The following PCDH15 variants were observed in gnomAD, a reference collection of about 807,000 sequenced individuals.
PCDH15 encodes protocadherin-15.
In PCDH15, 129 loss-of-function variants were observed where a neutral mutation model predicts 178.5. The observed-to-expected ratio is 0.72, with a 90% CI of 0.63 to 0.84. The LOEUF is 0.84. Among genes scored for constraint, PCDH15 ranks in the 40% least tolerant of loss-of-function variants. PCDH15 has a pLI of 0.00. For synonymous variants in PCDH15, 800 were observed against 732.0 expected (o/e 1.09, Z -1.50); for missense variants, 2,230 against 2,099.9 (o/e 1.06, Z -1.21).
intron 2 of PCDH15, among the ~76,000 whole-genome samples, chr10:55,608,889 A>T (rs1843292084): frequency 1.3e-5 from 2 of 151,870 alleles, no homozygotes; most frequent in African/African-American, 4.8e-5. Context: ...AGGCCTGGGG[A>T]TCCTTTCCTG....
At chr10:54,116,415 A>G (rs2095114328) in intron 15 of PCDH15, among the ~76,000 whole-genome samples, 1 of 152,176 alleles carries the variant, frequency 6.6e-6, no homozygotes, top group Non-Finnish European at 1.5e-5. Flanking sequence ...AAATTGCTAG[A>G]AGGTTTACGG....
intron 25 of PCDH15, among the ~76,000 whole-genome samples, chr10:53,918,707 TACACAAACACACACACAC>T (rs1280966411): frequency 2.6e-4 from 32 of 124,222 alleles, no homozygotes; most frequent in African/African-American, 9.3e-4. Context: ...TTAATGCAAA[TACACAAACACACACACAC>T]ACACACACAC....
chr10:54,448,987 AC>A (rs1371001821), intron 3 of PCDH15, among the ~76,000 whole-genome samples: 3 of 151,708 alleles, frequency 2.0e-5, no homozygotes, highest in Non-Finnish European at 2.9e-5. Context: ...TTAACTGCCA[AC>A]CACTTTGAAG....
At chr10:54,620,667 T>C (rs1198964405) in intron 2 of PCDH15, among the ~76,000 whole-genome samples, 1 of 152,064 alleles carries the variant, frequency 6.6e-6, no homozygotes, top group Non-Finnish European at 1.5e-5. Flanking sequence ...AAATTGTTAT[T>C]AGTAGTATAT....
chr10:54,153,419 A>G, intron 13 of PCDH15, 126 bp from the exon 14 acceptor site: 3 of 1,028,782 alleles, frequency 2.9e-6, no homozygotes, highest in South Asian at 2.9e-5. Context: ...CTTGACATAT[A>G]TACTGTTTTT....
chr10:54,384,318 TC>T (rs34172941), intron 3 of PCDH15, among the ~76,000 whole-genome samples: 3,690 of 45,138 alleles, frequency 0.082, 125 homozygotes, highest in African/African-American at 0.17. Flanking sequence ...AAGCTGAAGA[TC>T]CCCCCCCTTT....
chr10:54,849,523 G>A (rs1013064194), intron 3 of PCDH15, among the ~76,000 whole-genome samples: 11 of 152,070 alleles, frequency 7.2e-5, no homozygotes, highest in Admixed American at 6.6e-4. Context: ...CACTCGGCTC[G>A]ACTACTTTCC....
intron 4 of PCDH15, among the ~76,000 whole-genome samples, chr10:54,370,860 A>G (rs1947552323): frequency 6.6e-6 from 1 of 151,858 alleles, no homozygotes; most frequent in Non-Finnish European, 1.5e-5. Flanking sequence ...GTTTCAAGAT[A>G]TTTTTATGGC....
At chr10:55,491,599 T>C (rs1393290962) in intron 2 of PCDH15, among the ~76,000 whole-genome samples, 2 of 150,908 alleles carry the variant, frequency 1.3e-5, no homozygotes, top group African/African-American at 2.4e-5. Flanking sequence ...ACCAGAAAAA[T>C]GGACAAAACT....
At chr10:54,178,554 A>C (rs778857827) in intron 13 of PCDH15, among the ~76,000 whole-genome samples, 3 of 152,112 alleles carry the variant, frequency 2.0e-5, no homozygotes, top group Non-Finnish European at 2.9e-5. Flanking sequence ...GTGCAGTCTA[A>C]GACAGGAAAG....
chr10:54,725,779 G>A (rs1273152352), intron 1 of PCDH15, among the ~76,000 whole-genome samples: 3 of 151,290 alleles, frequency 2.0e-5, no homozygotes, highest in African/African-American at 7.3e-5. Flanking sequence ...CCATGTGAGT[G>A]GCTGAGCCTA....
At chr10:54,480,958 G>A (rs2078672591) in intron 3 of PCDH15, among the ~76,000 whole-genome samples, 1 of 151,872 alleles carries the variant, frequency 6.6e-6, no homozygotes, top group South Asian at 2.1e-4. Context: ...TAGTATAGAA[G>A]TATGAGAGCC....
intron 2 of PCDH15, among the ~76,000 whole-genome samples, chr10:55,045,623 T>C (rs1840983483): frequency 6.6e-6 from 1 of 152,134 alleles, no homozygotes; most frequent in South Asian, 2.1e-4. Context: ...TGGGTTAAAG[T>C]TGGCCAATAT....
chr10:54,518,855 T>A (rs896563909), intron 3 of PCDH15, among the ~76,000 whole-genome samples: 6 of 152,154 alleles, frequency 3.9e-5, no homozygotes, highest in Admixed American at 6.5e-5. Flanking sequence ...TCAAAAAGCT[T>A]ATGCACCATG....
At chr10:54,873,759 C>T (rs950841230) in intron 3 of PCDH15, among the ~76,000 whole-genome samples, 73 of 135,926 alleles carry the variant, frequency 5.4e-4, no homozygotes, top group African/African-American at 1.8e-3. Flanking sequence ...TATACATATA[C>T]GTGTGTGTGT....
intron 25 of PCDH15, among the ~76,000 whole-genome samples, chr10:53,921,917 A>AT (rs748484250): frequency 1.3e-5 from 2 of 152,038 alleles, no homozygotes; most frequent in South Asian, 4.1e-4. Flanking sequence ...AAGATACTGG[A>AT]TTTTTTCCTC....
intron 3 of PCDH15, among the ~76,000 whole-genome samples, chr10:54,505,824 G>C (rs1041961385): frequency 6.6e-6 from 1 of 152,076 alleles, no homozygotes; most frequent in African/African-American, 2.4e-5. Flanking sequence ...GACGTTTTGT[G>C]TGTTTAAATT....
chr10:55,441,406 T>A (rs1218235561), intron 2 of PCDH15, among the ~76,000 whole-genome samples: 2 of 152,164 alleles, frequency 1.3e-5, no homozygotes, highest in African/African-American at 4.8e-5. Context: ...GATTGTCTGT[T>A]ACAGACACTG....
At chr10:54,452,888 G>A (rs764212245) in intron 3 of PCDH15, among the ~76,000 whole-genome samples, 4 of 152,086 alleles carry the variant, frequency 2.6e-5, no homozygotes, top group Non-Finnish European at 5.9e-5. Context: ...CAGTTCAAGA[G>A]TTCTGTCCAC....
Sources: gnomAD v4.1 joint callset for allele counts (sites outside exome capture counted in the v4.1 genomes callset) on GRCh38, gnomAD v4.1.1 for gene constraint, MANE v1.5 for transcripts, NCBI Gene and HGNC (gene_info 2026-07-23, HGNC 2026-07-21) for gene names.